The following TAMM41 variants were observed in gnomAD, a reference collection of about 807,000 sequenced individuals.
TAMM41 encodes TAM41 mitochondrial translocator assembly and maintenance homolog, also known as phosphatidate cytidylyltransferase, mitochondrial.
A neutral mutation model predicts 44.1 loss-of-function variants in TAMM41; 36 were observed. The ratio of observed to expected loss-of-function variants is 0.82; its 90% CI spans 0.63 to 1.08. The LOEUF is 1.08. Among genes scored for constraint, TAMM41 ranks in the 50% least tolerant of loss-of-function variants. The probability of loss-of-function intolerance (pLI) is 0.00; values close to 1 mark genes in which losing one functional copy is unlikely to be tolerated. For missense variants in TAMM41, 417 were observed against 404.3 expected, an observed-to-expected ratio of 1.03 and a Z score of -0.27; for synonymous variants, 164 against 153.1, an observed-to-expected ratio of 1.07 and a Z score of -0.53.
At chr3:11,833,703 T>C (rs187796200) in intron 3 of TAMM41, among the ~76,000 whole-genome samples, 100 of 152,310 alleles carry the variant, frequency 6.6e-4, no homozygotes, top group African/African-American at 2.3e-3. Context: ...AATCTGTGCA[T>C]TTCAAACGCT....
intron 3 of TAMM41, among the ~76,000 whole-genome samples, chr3:11,838,946 T>C (rs1200335572): frequency 6.6e-6 from 1 of 152,128 alleles, no homozygotes; most frequent in Non-Finnish European, 1.5e-5. Flanking sequence ...TTGTTATGAA[T>C]AATAAAAGAC....
chr3:11,729,448 AC>A, the TAMM41 span, among the ~76,000 whole-genome samples: 1 of 150,624 alleles, frequency 6.6e-6, no homozygotes, highest in Non-Finnish European at 1.5e-5. Context: ...GTGGAATACA[AC>A]AACACCCCAG....
chr3:11,836,406 A>C (rs930047967), intron 3 of TAMM41, among the ~76,000 whole-genome samples: 1 of 152,206 alleles, frequency 6.6e-6, no homozygotes, highest in Non-Finnish European at 1.5e-5. Context: ...AGGACTGAAT[A>C]TGACTCAAGG....
At chr3:11,781,166 C>A in the TAMM41 span, among the ~76,000 whole-genome samples, 20 of 152,276 alleles carry the variant, frequency 1.3e-4, no homozygotes, top group Admixed American at 7.2e-4. Context: ...TTCTATGTAA[C>A]CCACTGCAAC....
At chr3:11,775,499 T>TTATA in the TAMM41 span, among the ~76,000 whole-genome samples, 1 of 152,092 alleles carries the variant, frequency 6.6e-6, no homozygotes, top group Non-Finnish European at 1.5e-5. Context: ...GTGCAAATGG[T>TTATA]TATAGATTTA....
At chr3:11,760,039 TG>T in the TAMM41 span, among the ~76,000 whole-genome samples, 1 of 152,280 alleles carries the variant, frequency 6.6e-6, no homozygotes, top group East Asian at 1.9e-4. Flanking sequence ...CCACACAAAG[TG>T]GACAGACCTA....
At chr3:11,737,943 T>C in the TAMM41 span, among the ~76,000 whole-genome samples, 1 of 152,194 alleles carries the variant, frequency 6.6e-6, no homozygotes, top group Admixed American at 6.5e-5. Flanking sequence ...CAAACCACTG[T>C]GCACACTTCA....
intron 3 of TAMM41, among the ~76,000 whole-genome samples, chr3:11,835,686 T>A (rs1008983723): frequency 1.3e-5 from 2 of 152,148 alleles, no homozygotes; most frequent in African/African-American, 4.8e-5. Flanking sequence ...CAAAGAACAA[T>A]ACAACATTTT....
chr3:11,786,392 C>T (rs1275302945), downstream of TAMM41, among the ~76,000 whole-genome samples: 1 of 151,708 alleles, frequency 6.6e-6, no homozygotes, highest in South Asian at 2.1e-4. Context: ...GCAACCTCCA[C>T]CTCCCAGGTT....
intron 7 of TAMM41, among the ~76,000 whole-genome samples, chr3:11,801,758 C>A (rs1163268055): frequency 6.6e-6 from 1 of 151,948 alleles, no homozygotes; most frequent in African/African-American, 2.4e-5. Flanking sequence ...GTAGGAAGAT[C>A]ACAAATTAAC....
At chr3:11,787,862 G>A (rs1003825524), downstream of TAMM41, among the ~76,000 whole-genome samples, 2 of 152,204 alleles carry the variant, frequency 1.3e-5, no homozygotes, top group Admixed American at 1.3e-4. Context: ...GGAATGAGAA[G>A]AGCTACTTAC....
the TAMM41 span, among the ~76,000 whole-genome samples, chr3:11,778,958 T>C: frequency 4.9e-3 from 752 of 152,294 alleles, 15 homozygotes; most frequent in African/African-American, 0.017. Context: ...ACGGTTTGGA[T>C]GTCTGTCCCC....
At chr3:11,774,563 C>G in the TAMM41 span, among the ~76,000 whole-genome samples, 1 of 152,192 alleles carries the variant, frequency 6.6e-6, no homozygotes, top group Admixed American at 6.5e-5. Flanking sequence ...CAGGGCCCTA[C>G]TGCTCTCCCT....
chr3:11,725,165 C>T, the TAMM41 span, among the ~76,000 whole-genome samples: 5 of 130,802 alleles, frequency 3.8e-5, no homozygotes, highest in Non-Finnish European at 6.8e-5. Flanking sequence ...TCTTCTCCTC[C>T]CTCCTTGTTC....
chr3:11,833,817 T>C (rs2079074127), intron 3 of TAMM41, among the ~76,000 whole-genome samples: 1 of 152,164 alleles, frequency 6.6e-6, no homozygotes, highest in East Asian at 1.9e-4. Context: ...GGTTTTTCTA[T>C]CCACACAAAA....
At chr3:11,759,018 C>T in the TAMM41 span, among the ~76,000 whole-genome samples, 1 of 152,134 alleles carries the variant, frequency 6.6e-6, no homozygotes, top group Non-Finnish European at 1.5e-5. Flanking sequence ...CCCCAAATCC[C>T]ATTAATTATT....
At chr3:11,826,967 T>C (rs1442848605) in intron 4 of TAMM41, among the ~76,000 whole-genome samples, 1 of 152,254 alleles carries the variant, frequency 6.6e-6, no homozygotes, top group African/African-American at 2.4e-5. Context: ...AGTCTACTGC[T>C]TTCCTCCTAA....
At chr3:11,725,342 CTCCTCCTCCT>C in the TAMM41 span, among the ~76,000 whole-genome samples, 4 of 79,216 alleles carry the variant, frequency 5.0e-5, no homozygotes, top group African/African-American at 1.4e-4. Flanking sequence ...TTTTCTTCTC[CTCCTCCTCCT>C]TTTTTTTCTT....
chr3:11,747,685 G>A, the TAMM41 span, among the ~76,000 whole-genome samples: 5,285 of 151,794 alleles, frequency 0.035, 278 homozygotes, highest in African/African-American at 0.12. Context: ...AGGACTGCCT[G>A]AGCCCAGGAG....
Sources: gnomAD v4.1 joint callset for allele counts (sites outside exome capture counted in the v4.1 genomes callset) on GRCh38, gnomAD v4.1.1 for gene constraint, MANE v1.5 for transcripts, NCBI Gene and HGNC (gene_info 2026-07-23, HGNC 2026-07-21) for gene names.